LPIN1: variants seen among roughly 807,000 people sequenced by gnomAD.
LPIN1 encodes phosphatidate phosphatase LPIN1.
LPIN1 carries 71 observed loss-of-function variants against 107.5 expected under a neutral mutation model. The observed-to-expected ratio is 0.66, with a 90% CI of 0.55 to 0.80. The LOEUF is 0.80. LPIN1 is among the 30% of genes least tolerant of loss of function. The pLI is 0.00. For missense variants in LPIN1, 1,043 were observed against 1,160.6 expected, an observed-to-expected ratio of 0.90 and a Z score of 1.47; for synonymous variants, 445 against 452.6, an observed-to-expected ratio of 0.98 and a Z score of 0.21.
At chr2:11,705,489 G>T (rs1006150681) in intron 1 of LPIN1, among the ~76,000 whole-genome samples, 7 of 152,190 alleles carry the variant, frequency 4.6e-5, no homozygotes, top group African/African-American at 1.7e-4. Context: ...CTGTGAGAAG[G>T]TGCAGTCAGG....
chr2:11,804,060 T>C (rs1451442575), intron 15 of LPIN1, among the ~76,000 whole-genome samples: 1 of 152,228 alleles, frequency 6.6e-6, no homozygotes, highest in East Asian at 1.9e-4. Flanking sequence ...GAGTGGTAAG[T>C]GTATCCTATT....
Position 11,697,137 on chromosome 2 carries a change from G to C in LPIN1, c.82-16619G>C, listed in dbSNP as rs75955960. 1.3e-5 allele frequency among the ~76,000 whole-genome samples: 2 copies of C among 152,344 alleles called. No homozygotes were observed. The highest frequency in any genetic ancestry group is 6.5e-5 in the Admixed American group (1 of 15,302). ...CGGAGCTCAAGTTCTGGGAAGGGCA[G>C]TGCCCTTTTCTGTGGGGCCCTGGGC... On this transcript the variant is annotated intron_variant, in intron 1 of 21. Transcript: ENST00000449576. This position sits in a 1 kb window ranked among gnomAD's most constrained non-coding sequence, Gnocchi z 4.6.
intron 17 of LPIN1, among the ~76,000 whole-genome samples, chr2:11,810,512 G>C (rs1284978713): frequency 6.6e-6 from 1 of 152,158 alleles, no homozygotes; most frequent in East Asian, 1.9e-4. Context: ...AGAGCGCCTG[G>C]GAGGCAACTC....
chr2:11,702,109 G>A (rs7580112), intron 1 of LPIN1, among the ~76,000 whole-genome samples: 24,208 of 152,094 alleles, frequency 0.16, 2,162 homozygotes, highest in East Asian at 0.3. Flanking sequence ...TGGTGCTCAC[G>A]GGTCCCTAAA....
chr2:11,702,152 A>G (rs1662905438), intron 1 of LPIN1, among the ~76,000 whole-genome samples: 1 of 152,226 alleles, frequency 6.6e-6, no homozygotes, highest in Non-Finnish European at 1.5e-5. Context: ...ACAAGGCCAC[A>G]TGGGGAAGCA....
chr2:11,784,546 C>T (rs538770060), intron 9 of LPIN1, among the ~76,000 whole-genome samples: 3 of 152,290 alleles, frequency 2.0e-5, no homozygotes, highest in South Asian at 4.1e-4. Context: ...GAGGGTCTCC[C>T]GTGATCCTGG....
chr2:11,686,530 C>T (rs1387731688), intron 1 of LPIN1, among the ~76,000 whole-genome samples: 5 of 152,074 alleles, frequency 3.3e-5, no homozygotes, highest in Admixed American at 2.6e-4. Context: ...GTGTATTGGC[C>T]CTGGACAGAG....
At chr2:11,753,691 CCGCCGTTAAGTATCAGT>C (rs1333218782) in intron 1 of LPIN1, among the ~76,000 whole-genome samples, 1 of 152,244 alleles carries the variant, frequency 6.6e-6, no homozygotes, top group Non-Finnish European at 1.5e-5. Context: ...CCCTTATCAA[CCGCCGTTAAGTATCAGT>C]CCACAATGCT....
chr2:11,809,767 C>T (rs550963205), intron 17 of LPIN1, among the ~76,000 whole-genome samples: 2 of 152,274 alleles, frequency 1.3e-5, no homozygotes, highest in East Asian at 3.9e-4. Flanking sequence ...CATGTCAGCA[C>T]TTCTTTGTTT....
chr2:11,806,966 A>G (rs1678804579), intron 17 of LPIN1, among the ~76,000 whole-genome samples: 1 of 152,200 alleles, frequency 6.6e-6, no homozygotes, highest in South Asian at 2.1e-4. Flanking sequence ...TACTGGGCAG[A>G]ATCCTGTCGT....
At chr2:11,814,860 T>A (rs1034534607) in intron 17 of LPIN1, among the ~76,000 whole-genome samples, 1 of 152,188 alleles carries the variant, frequency 6.6e-6, no homozygotes, top group Non-Finnish European at 1.5e-5. Flanking sequence ...CATGTTCTCC[T>A]GAGGATTAAA....
chr2:11,708,376 A>G (rs1663231868), intron 1 of LPIN1, among the ~76,000 whole-genome samples: 1 of 152,106 alleles, frequency 6.6e-6, no homozygotes. Flanking sequence ...CTCCAAGGAC[A>G]GATTTGGGTG....
chr2:11,709,396 C>T (rs749340641), intron 1 of LPIN1, among the ~76,000 whole-genome samples: 26 of 152,204 alleles, frequency 1.7e-4, no homozygotes, highest in Non-Finnish European at 1.8e-4. Context: ...GGTACCTTGT[C>T]GATGCCTTGC....
At chr2:11,722,222 G>C (rs1664200900), upstream of LPIN1, 1 of 152,162 alleles carries the variant, frequency 6.6e-6, no homozygotes, top group African/African-American at 2.4e-5. Context: ...CCTTTTCATG[G>C]TGATCCCAAA....
intron 9 of LPIN1, 73 bp from the exon 10 acceptor site, chr2:11,784,813 T>C (rs577600834): frequency 1.4e-6 from 2 of 1,440,156 alleles, no homozygotes; most frequent in African/African-American, 2.8e-5. Flanking sequence ...TGCCAGAGCA[T>C]CACTGGATGG....
rs1021244021 is a variant in LPIN1, at chr2:11,825,011, A to C, written c.*220A>C. 2 of 589,902 alleles carry C rather than the reference A, an allele frequency of 3.4e-6. No homozygotes were observed. The highest frequency in any genetic ancestry group is 3.7e-5 in the African/African-American group (2 of 53,724). The allele number at this position is 589,902 out of a possible 1,614,324, so 36.5% of individuals were successfully genotyped here. ...ACTTTCTAGGCTAGGAGTTGGGTGC[A>C]TTTGTACCGTGAAAAGCATTCCTCA... On this transcript the variant is annotated 3_prime_UTR_variant, in exon 21 of 21. Transcript: ENST00000674199. This position sits in a 1 kb window ranked among gnomAD's most constrained non-coding sequence, Gnocchi z 4.1.
chr2:11,809,089 C>G (rs1293720753), intron 17 of LPIN1, among the ~76,000 whole-genome samples: 1 of 149,296 alleles, frequency 6.7e-6, no homozygotes, highest in East Asian at 1.9e-4. Context: ...TGAAACAGAA[C>G]AAATGCAAAT....
At chr2:11,693,616 C>T (rs1463459211) in intron 1 of LPIN1, among the ~76,000 whole-genome samples, 1 of 151,484 alleles carries the variant, frequency 6.6e-6, no homozygotes, top group East Asian at 1.9e-4. Context: ...AGACAGGGAT[C>T]ACATTTTGCC....
intron 6 of LPIN1, among the ~76,000 whole-genome samples, chr2:11,778,139 G>T (rs36099169): frequency 0.085 from 3,004 of 35,188 alleles, 90 homozygotes; most frequent in African/African-American, 0.33. Context: ...CATGGACGTG[G>T]GGGGGCCCAC....
Sources: gnomAD v4.1 joint callset for allele counts (sites outside exome capture counted in the v4.1 genomes callset) on GRCh38, gnomAD v4.1.1 for gene constraint, Gnocchi (gnomAD v3.1) non-coding constraint, MANE v1.5 for transcripts, NCBI Gene and HGNC (gene_info 2026-07-23, HGNC 2026-07-21) for gene names.